The following RBM41 variants were observed in gnomAD, a reference collection of about 807,000 sequenced individuals.
RBM41 encodes RNA-binding protein 41.
In RBM41, 14 loss-of-function variants were observed where a neutral mutation model predicts 30.8. That is an observed-to-expected ratio of 0.45 (90% CI 0.30 to 0.71). The LOEUF is 0.71. Ranked by LOEUF, RBM41 falls within the 30% of genes least tolerant of loss-of-function variation. The pLI, the probability that RBM41 is intolerant of heterozygous loss-of-function variation, is 0.08. For missense variants in RBM41, 276 were observed against 326.3 expected (o/e 0.85, Z 1.19); for synonymous variants, 120 against 110.1 (o/e 1.09, Z -0.56).
intron 6 of RBM41, among the ~76,000 whole-genome samples, chrX:107,076,932 C>T (rs916279985): frequency 2.7e-5 from 3 of 111,627 alleles, no homozygotes; most frequent in African/African-American, 9.8e-5. Context: ...GTTTCAAAAT[C>T]TTTAAAACCT....
chrX:107,077,764 A>G (rs1013148404), intron 6 of RBM41, among the ~76,000 whole-genome samples: 1 of 111,751 alleles, frequency 8.9e-6, no homozygotes, highest in Non-Finnish European at 1.9e-5. Context: ...ATAGCCCTTT[A>G]TATAAACAAT....
At chrX:107,093,165 G>A (rs1263502101) in intron 5 of RBM41, among the ~76,000 whole-genome samples, 1 of 111,198 alleles carries the variant, frequency 9.0e-6, no homozygotes, top group Non-Finnish European at 1.9e-5. Flanking sequence ...TGGCATGTTA[G>A]AAGGTAGGAG....
chrX:107,101,438 T>G (rs561385501), intron 5 of RBM41, among the ~76,000 whole-genome samples: 16 of 111,677 alleles, frequency 1.4e-4, no homozygotes, highest in Non-Finnish European at 2.6e-4. Context: ...TATAATTAGT[T>G]AAGGTGAAGT....
At chrX:107,071,455 T>A (rs1936063070) in intron 6 of RBM41, among the ~76,000 whole-genome samples, 1 of 111,161 alleles carries the variant, frequency 9.0e-6, no homozygotes, top group Non-Finnish European at 1.9e-5. Flanking sequence ...AAAAACATTA[T>A]AAGAAAAATA....
At chrX:107,094,115 A>T (rs1330064784) in intron 5 of RBM41, among the ~76,000 whole-genome samples, 1 of 112,065 alleles carries the variant, frequency 8.9e-6, no homozygotes, top group Non-Finnish European at 1.9e-5. Flanking sequence ...AAATGGCTTC[A>T]TTGGTAAATT....
chrX:107,066,719 G>GGATTT lies in RBM41; in HGVS notation c.*803_*807dup, dbSNP rs1320209313. The GGATTT allele has an allele frequency of 6.7e-6, 5 of 750,884 alleles. No individual in the cohort carries two copies. The highest frequency in any genetic ancestry group is 7.8e-6 in the Non-Finnish European group (5 of 638,004). 61.9% of individuals were successfully genotyped at this position (750,884 alleles called of 1,213,427 possible). On this transcript the variant is annotated 3_prime_UTR_variant, in exon 8 of 8. Transcript: ENST00000685964. The stretch of plus-strand genomic sequence containing the variant: ...CAGCAACCATAAACAAACAACTGGG[G>GGATTT]GATTTGTGACTGGCATCCTCTTTTC...
At chrX:107,070,600 C>T (rs1277519805) in intron 6 of RBM41, among the ~76,000 whole-genome samples, 1 of 111,536 alleles carries the variant, frequency 9.0e-6, no homozygotes, top group East Asian at 2.8e-4. Context: ...TATCAGGCAT[C>T]TTAGGAACTC....
In RBM41 at chrX:107,101,438, T is replaced by C. The variant is rs561385501; in HGVS notation, c.595+11959A>G. Among the ~76,000 whole-genome samples the C allele has an allele frequency of 9.0e-5, 10 of 111,728 alleles. No individual in the cohort carries two copies. In the South Asian group the frequency reaches 3.8e-3, roughly 43 times the overall value. On this transcript the variant is annotated intron_variant, in intron 5 of 7. Coordinates refer to ENST00000685964, the MANE Select transcript of RBM41 (RefSeq NM_001324242.2). ...TAGGGTCTTTGCAGATATAATTAGT[T>C]AAGGTGAAGTCACAGGGTAGGCTCT... is the stretch of plus-strand genomic sequence containing the variant.
At chrX:107,087,299 C>T (rs1453535108) in intron 6 of RBM41, among the ~76,000 whole-genome samples, 3 of 111,005 alleles carry the variant, frequency 2.7e-5, no homozygotes, top group Admixed American at 9.6e-5. Context: ...AACAAAGCTA[C>T]CCTTGAACTA....
intron 6 of RBM41, among the ~76,000 whole-genome samples, chrX:107,077,587 C>CACACACAA (rs1921092811): frequency 9.2e-6 from 1 of 108,898 alleles, no homozygotes; most frequent in Non-Finnish European, 1.9e-5. Context: ...CACACACACA[C>CACACACAA]ACACACACAC....
At chrX:107,074,129 T>C (rs1936156331) in intron 6 of RBM41, among the ~76,000 whole-genome samples, 1 of 111,284 alleles carries the variant, frequency 9.0e-6, no homozygotes, top group Admixed American at 9.6e-5. Context: ...TATTGAATTA[T>C]CCCAACATGA....
intron 5 of RBM41, among the ~76,000 whole-genome samples, chrX:107,093,034 G>A (rs1421386137): frequency 8.9e-6 from 1 of 111,743 alleles, no homozygotes; most frequent in Non-Finnish European, 1.9e-5. Context: ...TCCAAAGAAA[G>A]TGAACAAATT....
intron 6 of RBM41, among the ~76,000 whole-genome samples, chrX:107,085,193 G>C (rs1276916641): frequency 9.1e-6 from 1 of 109,943 alleles, no homozygotes; most frequent in Non-Finnish European, 1.9e-5. Flanking sequence ...CTTGGAAGTG[G>C]TTGTATTCAT....
intron 6 of RBM41, among the ~76,000 whole-genome samples, chrX:107,084,101 G>A (rs1602570405): frequency 1.1e-5 from 1 of 89,136 alleles, no homozygotes; most frequent in African/African-American, 4.6e-5. Context: ...TTCTTCTACT[G>A]TCTTTTTGTC....
chrX:107,082,657 C>T (rs1285751714), intron 6 of RBM41, among the ~76,000 whole-genome samples: 1 of 111,209 alleles, frequency 9.0e-6, no homozygotes, highest in Non-Finnish European at 1.9e-5. Flanking sequence ...TCACCCTTCT[C>T]TTAGCCATAT....
intron 6 of RBM41, among the ~76,000 whole-genome samples, chrX:107,075,435 C>A (rs953407001): frequency 8.9e-6 from 1 of 111,773 alleles, no homozygotes; most frequent in African/African-American, 3.2e-5. Context: ...AAAAGCCCTG[C>A]ACAGCAAAGG....
rs1455323980 is a variant in RBM41, at chrX:107,079,108, C to T, written c.999+9328G>A. Among the ~76,000 whole-genome samples, 3 of 111,356 alleles carry T rather than the reference C, an allele frequency of 2.7e-5. No homozygotes were observed. In the Admixed American group the frequency reaches 2.9e-4, roughly 11 times the overall value. ...ATAAGGATGCTGTGCAAGCTCATTG[C>T]TACTGGTGTGTCCTTTCATTTGGGT... is the stretch of plus-strand genomic sequence containing the variant. On this transcript the variant is annotated intron_variant, in intron 6 of 7. Transcript: ENST00000685964.
At chrX:107,082,999 T>A (rs1376764586) in intron 6 of RBM41, among the ~76,000 whole-genome samples, 1 of 111,212 alleles carries the variant, frequency 9.0e-6, no homozygotes, top group Non-Finnish European at 1.9e-5. Flanking sequence ...CTACGCTCTT[T>A]CTTTCTTTAT....
the RBM41 span, among the ~76,000 whole-genome samples, chrX:107,053,428 G>A: frequency 8.8e-6 from 1 of 113,226 alleles, no homozygotes; most frequent in African/African-American, 3.2e-5. Context: ...TTTTACACAG[G>A]TGAGGTTTGA....
Sources: gnomAD v4.1 joint callset for allele counts (sites outside exome capture counted in the v4.1 genomes callset) on GRCh38, gnomAD v4.1.1 for gene constraint, MANE v1.5 for transcripts, NCBI Gene and HGNC (gene_info 2026-07-23, HGNC 2026-07-21) for gene names.